RFX2: variants seen among roughly 807,000 people sequenced by gnomAD.
The protein encoded by RFX2 is DNA-binding protein RFX2.
In RFX2, 20 loss-of-function variants were observed where a neutral mutation model predicts 87.8. The observed-to-expected ratio is 0.23, with a 90% CI of 0.16 to 0.33. The LOEUF is 0.33. Among genes scored for constraint, RFX2 ranks in the 10% least tolerant of loss-of-function variants. The pLI is 1.00. For missense variants in RFX2, 767 were observed against 1,012.3 expected, an observed-to-expected ratio of 0.76 and a Z score of 3.29; for synonymous variants, 397 against 431.3, an observed-to-expected ratio of 0.92 and a Z score of 0.98.
chr19:6,048,925 C>G (rs773413160), intron 1 of RFX2, among the ~76,000 whole-genome samples: 1 of 150,972 alleles, frequency 6.6e-6, no homozygotes, highest in Admixed American at 6.6e-5. Context: ...CAGAGCCCCA[C>G]GGCCAGTGCC....
intron 5 of RFX2, among the ~76,000 whole-genome samples, chr19:6,034,314 C>T (rs2086992517): frequency 6.6e-6 from 1 of 151,686 alleles, no homozygotes; most frequent in Non-Finnish European, 1.5e-5. Flanking sequence ...CTGCAACCTC[C>T]GCCTCCCGGG....
intron 1 of RFX2, among the ~76,000 whole-genome samples, chr19:6,104,291 C>T (rs867954740): frequency 1.6e-4 from 24 of 151,992 alleles, no homozygotes; most frequent in African/African-American, 5.6e-4. Flanking sequence ...TTTTTTTGGC[C>T]GGGTGCGGTG....
At chr19:6,046,562 CCA>C (rs1491102400) in intron 2 of RFX2, among the ~76,000 whole-genome samples, 7 of 145,118 alleles carry the variant, frequency 4.8e-5, no homozygotes, top group African/African-American at 1.3e-4. Flanking sequence ...CCGTCCCCCC[CCA>C]AAAAAAAAAA....
In RFX2 at chr19:6,061,791, C is replaced by G. The variant is rs1005225950; in HGVS notation, c.-8-14287G>C. Among the ~76,000 whole-genome samples, 1 of 152,064 alleles carries G rather than the reference C, an allele frequency of 6.6e-6. No individual in the cohort carries two copies. The highest frequency in any genetic ancestry group is 1.5e-5 in the Non-Finnish European group (1 of 68,012). On this transcript the variant is annotated intron_variant, in intron 1 of 17. Coordinates refer to ENST00000303657, the MANE Select transcript of RFX2 (RefSeq NM_000635.4). This position sits in a 1 kb window ranked among gnomAD's most constrained non-coding sequence, Gnocchi z 5.2. ...ACTCGCTTACTGACTGTGGCAGTGG[C>G]CTTGGTTTCTTCATCTGAGAAAGGG... is the stretch of plus-strand genomic sequence containing the variant.
In RFX2 at chr19:6,101,587, T is replaced by G. The variant is rs1193035648; in HGVS notation, c.-9+8806A>C. Among the ~76,000 whole-genome samples the G allele has an allele frequency of 6.6e-6, 1 of 152,248 alleles. No individual in the cohort carries two copies. The highest frequency in any genetic ancestry group is 1.5e-5 in the Non-Finnish European group (1 of 68,042). ...TTAAAAAAGTATAATTAAGTGCTGTTGCAGCTTTAGGAATGGACTTCTATA... is the reference window on the plus strand; with the variant it reads ...TTAAAAAAGTATAATTAAGTGCTGTGGCAGCTTTAGGAATGGACTTCTATA... On this transcript the variant is annotated intron_variant, in intron 1 of 17. Transcript: ENST00000303657. The surrounding 1 kb of genome is among the most constrained non-coding windows in gnomAD (Gnocchi z 4.9).
At chr19:6,031,253 G>A (rs73555674) in intron 5 of RFX2, among the ~76,000 whole-genome samples, 5,297 of 152,016 alleles carry the variant, frequency 0.035, 325 homozygotes, top group African/African-American at 0.12. Flanking sequence ...GCACACACAG[G>A]CTTTTCTTGG....
chr19:5,996,146 C>T lies in RFX2; in HGVS notation c.2014-503G>A, dbSNP rs2086403536. Among the ~76,000 whole-genome samples the T allele has an allele frequency of 2.0e-5, 3 of 152,166 alleles. No individual in the cohort carries two copies. The South Asian group carries it at 6.2e-4, about 32-fold the overall frequency. On this transcript the variant is annotated intron_variant, in intron 16 of 17. Transcript: ENST00000303657. The stretch of plus-strand genomic sequence containing the variant: ...TTCTGGGTAGTAAGAGTGCAGGGAC[C>T]CCGCCATTCATCAAGCATCATCTCG...
At chr19:6,030,915 A>G (rs1266667631) in intron 5 of RFX2, among the ~76,000 whole-genome samples, 1 of 152,214 alleles carries the variant, frequency 6.6e-6, no homozygotes, top group Admixed American at 6.5e-5. Context: ...TCTTCCAGAC[A>G]TTGCCACATT....
At chr19:6,108,930 G>A (rs1475377721) in intron 1 of RFX2, among the ~76,000 whole-genome samples, 1 of 151,910 alleles carries the variant, frequency 6.6e-6, no homozygotes, top group Non-Finnish European at 1.5e-5. Context: ...CAAAAGGAAC[G>A]GAGCCGGAGG....
Position 6,002,601 on chromosome 19 carries a change from A to T in RFX2, c.1650+120T>A. On this transcript the variant is annotated intron_variant, in intron 14 of 17. Coordinates refer to ENST00000303657, the MANE Select transcript of RFX2 (RefSeq NM_000635.4). This position sits in a 1 kb window ranked among gnomAD's most constrained non-coding sequence, Gnocchi z 6.7. ...TGGCCTGGGACCCGTGTCATGCAAC[A>T]GAACCGTGGCCAGGCTCGGGGCAGG... 7.9e-7 allele frequency: 1 copy of T among 1,265,172 alleles called. No homozygotes were observed. The highest frequency in any genetic ancestry group is 1.1e-6 in the Non-Finnish European group (1 of 896,530). 78.4% of individuals were successfully genotyped at this position (1,265,172 alleles called of 1,614,324 possible).
At chr19:6,066,053 G>A (rs1339406464) in intron 1 of RFX2, among the ~76,000 whole-genome samples, 11 of 152,130 alleles carry the variant, frequency 7.2e-5, no homozygotes, top group Non-Finnish European at 4.4e-5. Flanking sequence ...GAAGTTCAGG[G>A]GTGGTGTTTA....
rs377575678 is a variant in RFX2 at position 6,030,622 on chromosome 19, A to G, written c.523-4385T>C. 8.5e-5 allele frequency among the ~76,000 whole-genome samples: 13 copies of G among 152,232 alleles called. No homozygotes were observed. In the East Asian group the frequency reaches 2.5e-3, roughly 29 times the overall value. ...GAAGGGACAATGGAGAGTGGCTGCT[A>G]GTGGGGATGGGGTTTCCTTTCAGGG... On this transcript the variant is annotated intron_variant, in intron 5 of 17. Transcript: ENST00000303657.
At chr19:6,028,740 G>C (rs769706376) in intron 5 of RFX2, among the ~76,000 whole-genome samples, 4 of 152,066 alleles carry the variant, frequency 2.6e-5, no homozygotes, top group South Asian at 2.1e-4. Flanking sequence ...GGCATTTAAG[G>C]AAATTTTCGT....
intron 1 of RFX2, among the ~76,000 whole-genome samples, chr19:6,103,358 T>C (rs8108217): frequency 0.13 from 19,116 of 152,172 alleles, 3,787 homozygotes; most frequent in African/African-American, 0.42. Context: ...TTTTCAAACA[T>C]GCAAGACCTA....
chr19:6,002,827 G>C lies in RFX2; in HGVS notation c.1544C>G (p.Thr515Arg), dbSNP rs770280050. The C allele has an allele frequency of 6.2e-7, 1 of 1,612,838 alleles. No individual in the cohort carries two copies. ...SAFAQTLRRY[T>R]SLNHLAQAAR... Reference sequence around the variant, plus strand: ...CGCCTGCGCCAGGTGGTTGAGGGACGTGTAGCGCCGCAGCGTCTGGGCGAA... The same window carrying C: ...CGCCTGCGCCAGGTGGTTGAGGGACCTGTAGCGCCGCAGCGTCTGGGCGAA... Residue 515 changes from threonine to arginine, a missense_variant, in exon 14 of 18, where the codon ACG (threonine) becomes AGG (arginine). Thr to Arg is a moderately conservative substitution (Grantham distance 71). Coordinates refer to ENST00000303657, the MANE Select transcript of RFX2 (RefSeq NM_000635.4). This position sits in a 1 kb window ranked among gnomAD's most constrained non-coding sequence, Gnocchi z 6.7.
chr19:6,015,062 T>C (rs1162007063), intron 7 of RFX2, among the ~76,000 whole-genome samples: 1 of 152,116 alleles, frequency 6.6e-6, no homozygotes, highest in African/African-American at 2.4e-5. Context: ...CTGTGATAAG[T>C]CTGTGGCCTG....
rs993468297 is a variant in RFX2 at position 6,021,290 on chromosome 19, C to G, written c.597+4873G>C. On this transcript the variant is annotated intron_variant, in intron 6 of 17. Transcript: ENST00000303657. This position sits in a 1 kb window ranked among gnomAD's most constrained non-coding sequence, Gnocchi z 5.7. ...TTACGAGAGCTGGCTCTATGCCAGG[C>G]CTTGTTTAGGTGCTGGGGATGCAAC... 6.6e-6 allele frequency among the ~76,000 whole-genome samples: 1 copy of G among 152,186 alleles called. No individual in the cohort carries two copies. The highest frequency in any genetic ancestry group is 1.5e-5 in the Non-Finnish European group (1 of 68,044).
rs1035046323 is a variant in RFX2 at position 6,021,038 on chromosome 19, G to A, written c.598-4767C>T. Among the ~76,000 whole-genome samples, 10 of 152,156 alleles carry A rather than the reference G, an allele frequency of 6.6e-5. No individual in the cohort carries two copies. Among genetic ancestry groups the A allele is most frequent in the Non-Finnish European group, 7.3e-5 (5 of 68,036 alleles). ...CTGTGGACAGATATCCTCACCTGCC[G>A]GTGGGAAGGCAGGGATCATGCCCAC... On this transcript the variant is annotated intron_variant, in intron 6 of 17. Coordinates refer to ENST00000303657, the MANE Select transcript of RFX2 (RefSeq NM_000635.4). The surrounding 1 kb of genome is among the most constrained non-coding windows in gnomAD (Gnocchi z 5.7).
rs1469155811 is a variant in RFX2, at chr19:6,023,614, A to T, written c.597+2549T>A. ...GACAGAAGGAAACAACTCAACAGCGAATCATCAGTGAGTAAAAGAAACGAG... is the reference window on the plus strand; with the variant it reads ...GACAGAAGGAAACAACTCAACAGCGTATCATCAGTGAGTAAAAGAAACGAG... On this transcript the variant is annotated intron_variant, in intron 6 of 17. Transcript: ENST00000303657. This position sits in a 1 kb window ranked among gnomAD's most constrained non-coding sequence, Gnocchi z 4.9. Among the ~76,000 whole-genome samples, 1 of 152,160 alleles carries T rather than the reference A, an allele frequency of 6.6e-6. No homozygotes were observed. The highest frequency in any genetic ancestry group is 1.5e-5 in the Non-Finnish European group (1 of 68,026).
Sources: allele counts gnomAD v4.1 joint callset (sites outside exome capture counted in the v4.1 genomes callset), GRCh38; gene constraint gnomAD v4.1.1; non-coding constraint Gnocchi (gnomAD v3.1); transcripts MANE v1.5; gene names NCBI Gene and HGNC (gene_info 2026-07-23, HGNC 2026-07-21).